The following PARD3B variants were observed in gnomAD, a reference collection of about 807,000 sequenced individuals.
PARD3B encodes par-3 family cell polarity regulator beta, also known as partitioning defective 3 homolog B.
Under a neutral mutation model 130.2 loss-of-function variants are expected in PARD3B, and 103 were observed. That is an observed-to-expected ratio of 0.79 (90% CI 0.67 to 0.93). The LOEUF (loss-of-function observed/expected upper bound fraction) is 0.93. PARD3B is among the 40% of genes least tolerant of loss of function. PARD3B has a pLI of 0.00. For missense variants in PARD3B, 1,609 were observed against 1,499.2 expected, an observed-to-expected ratio of 1.07 and a Z score of -1.21; for synonymous variants, 583 against 553.2, an observed-to-expected ratio of 1.05 and a Z score of -0.76.
intron 20 of PARD3B, among the ~76,000 whole-genome samples, chr2:205,471,498 A>T (rs1425987606): frequency 6.6e-6 from 1 of 151,336 alleles, no homozygotes; most frequent in Non-Finnish European, 1.5e-5. Context: ...AGTAGCTGGG[A>T]TTACAGGCAT....
Position 205,176,445 on chromosome 2 carries a change from G to A in PARD3B, c.1792G>A (p.Asp598Asn). Residue 598 changes from aspartate (D) to asparagine (N), a missense_variant and splice_region_variant, in exon 13 of 23, where the codon GAT becomes AAT. By Grantham distance (23) the Asp-to-Asn change is conservative. Transcript: ENST00000406610. The surrounding 1 kb of genome is among the most constrained non-coding windows in gnomAD (Gnocchi z 5.3). Reference sequence around the variant, plus strand: ...TGTAATTTTTACTTTTATCTCTTAGGATCCTGCAGAGTGTGGGGCATTTTC... The same window carrying A: ...TGTAATTTTTACTTTTATCTCTTAGAATCCTGCAGAGTGTGGGGCATTTTC... ...ILRRPERPME[D>N]PAECGAFSKP... The A allele has an allele frequency of 6.3e-7, 1 of 1,597,178 alleles. No individual in the cohort carries two copies. The highest frequency in any genetic ancestry group is 1.8e-5 in the Admixed American group (1 of 54,984).
At chr2:204,547,991 A>C (rs922743523) in intron 1 of PARD3B, among the ~76,000 whole-genome samples, 2 of 152,194 alleles carry the variant, frequency 1.3e-5, no homozygotes, top group African/African-American at 2.4e-5. Flanking sequence ...TGACATTTAA[A>C]GGTCACCTGC....
At chr2:204,924,214 G>T (rs544736759) in intron 2 of PARD3B, among the ~76,000 whole-genome samples, 1 of 152,054 alleles carries the variant, frequency 6.6e-6, no homozygotes, top group East Asian at 1.9e-4. Flanking sequence ...TTTCAAAAAG[G>T]AGAAAGGTTA....
intron 15 of PARD3B, among the ~76,000 whole-genome samples, chr2:205,202,856 T>A (rs1346051945): frequency 6.6e-6 from 1 of 152,188 alleles, no homozygotes; most frequent in South Asian, 2.1e-4. Context: ...GTTTTTCTTA[T>A]AATTAGTAGT....
At chr2:204,548,563 A>G (rs753904038) in intron 1 of PARD3B, among the ~76,000 whole-genome samples, 7 of 152,190 alleles carry the variant, frequency 4.6e-5, no homozygotes, top group Non-Finnish European at 8.8e-5. Context: ...GCCTAGTACT[A>G]TGTATGTTGT....
intron 15 of PARD3B, among the ~76,000 whole-genome samples, chr2:205,233,137 C>A (rs1485750471): frequency 1.3e-5 from 2 of 151,824 alleles, no homozygotes; most frequent in Non-Finnish European, 2.9e-5. Context: ...AAAAACAGGA[C>A]GACACATTTC....
chr2:205,204,180 G>C (rs1272375684), intron 15 of PARD3B, among the ~76,000 whole-genome samples: 2 of 152,190 alleles, frequency 1.3e-5, no homozygotes, highest in Non-Finnish European at 2.9e-5. Context: ...TTGTGGTTTT[G>C]ATTTGCATTT....
chr2:205,349,819 T>G (rs1249719901), intron 18 of PARD3B, among the ~76,000 whole-genome samples: 23 of 147,942 alleles, frequency 1.6e-4, no homozygotes, highest in African/African-American at 5.5e-4. Context: ...TTTTTTTTTT[T>G]TAAAAAAAGA....
At chr2:205,607,542 T>C (rs555746151) in intron 22 of PARD3B, among the ~76,000 whole-genome samples, 2 of 152,156 alleles carry the variant, frequency 1.3e-5, no homozygotes, top group Admixed American at 6.5e-5. Context: ...AATGCCTACC[T>C]GGTAACATTG....
intron 2 of PARD3B, among the ~76,000 whole-genome samples, chr2:204,720,221 A>G (rs1043388873): frequency 1.3e-5 from 2 of 152,206 alleles, no homozygotes; most frequent in Non-Finnish European, 2.9e-5. Context: ...ACTGAATAAC[A>G]TCTCGTTTGG....
At chr2:205,345,236 A>T (rs912181411) in intron 18 of PARD3B, among the ~76,000 whole-genome samples, 1 of 152,218 alleles carries the variant, frequency 6.6e-6, no homozygotes, top group Non-Finnish European at 1.5e-5. Flanking sequence ...TATGCTAAGT[A>T]TGACGAAGTG....
At chr2:204,670,494 C>T (rs1436870755) in intron 1 of PARD3B, among the ~76,000 whole-genome samples, 1 of 152,182 alleles carries the variant, frequency 6.6e-6, no homozygotes, top group East Asian at 1.9e-4. Flanking sequence ...CTATTTTTCT[C>T]CATAATTCTA....
At chr2:205,598,081 C>T (rs2054635280) in intron 22 of PARD3B, among the ~76,000 whole-genome samples, 1 of 152,042 alleles carries the variant, frequency 6.6e-6, no homozygotes, top group Non-Finnish European at 1.5e-5. Flanking sequence ...TTAGCTAACG[C>T]CACAATGACA....
intron 21 of PARD3B, among the ~76,000 whole-genome samples, chr2:205,541,650 T>C (rs2052144972): frequency 2.0e-5 from 3 of 149,408 alleles, no homozygotes; most frequent in Admixed American, 2.0e-4. Context: ...GCCCGGCCTA[T>C]TTTTTTTTAT....
chr2:205,305,447 T>C (rs953698286), intron 18 of PARD3B, among the ~76,000 whole-genome samples: 17 of 152,362 alleles, frequency 1.1e-4, no homozygotes, highest in Admixed American at 6.5e-4. Context: ...TTCGTCCTGA[T>C]GGCCTCTGTA....
intron 18 of PARD3B, among the ~76,000 whole-genome samples, chr2:205,395,307 G>GT (rs1471367596): frequency 6.6e-6 from 1 of 152,180 alleles, no homozygotes; most frequent in Non-Finnish European, 1.5e-5. Flanking sequence ...ATGACTTTAT[G>GT]TTGCCAAATC....
intron 2 of PARD3B, among the ~76,000 whole-genome samples, chr2:204,860,569 T>A (rs1289200651): frequency 1.3e-5 from 2 of 152,208 alleles, no homozygotes; most frequent in East Asian, 1.9e-4. Flanking sequence ...CAGAAAACGT[T>A]TTGGCAGAAT....
chr2:204,733,882 C>T (rs926214286), intron 2 of PARD3B, among the ~76,000 whole-genome samples: 6 of 152,066 alleles, frequency 3.9e-5, no homozygotes, highest in Non-Finnish European at 7.4e-5. Context: ...CATAAAATTT[C>T]TGGAGAAAAA....
intron 2 of PARD3B, among the ~76,000 whole-genome samples, chr2:204,940,832 C>T (rs1440666562): frequency 6.6e-6 from 1 of 152,036 alleles, no homozygotes; most frequent in Non-Finnish European, 1.5e-5. Context: ...AGCCATGGTA[C>T]TCAATGTTGC....
Sources: allele counts gnomAD v4.1 joint callset (sites outside exome capture counted in the v4.1 genomes callset), GRCh38; gene constraint gnomAD v4.1.1; non-coding constraint Gnocchi (gnomAD v3.1); transcripts MANE v1.5; gene names NCBI Gene and HGNC (gene_info 2026-07-23, HGNC 2026-07-21).